The following CFAP300 variants were observed in gnomAD, a reference collection of about 807,000 sequenced individuals.
CFAP300 encodes the protein cilia and flagella associated protein 300, also known as cilia- and flagella-associated protein 300.
In CFAP300, 32 loss-of-function variants were observed where a neutral mutation model predicts 33.0. The observed-to-expected ratio is 0.97, with a 90% CI of 0.73 to 1.30. The LOEUF is 1.30. CFAP300 is among the 50% of genes most tolerant of loss of function. The probability of loss-of-function intolerance (pLI) is 0.00; values close to 1 mark genes in which losing one functional copy is unlikely to be tolerated. For missense variants in CFAP300, 356 were observed against 318.1 expected, an observed-to-expected ratio of 1.12 and a Z score of -0.90; for synonymous variants, 102 against 106.8, an observed-to-expected ratio of 0.95 and a Z score of 0.28.
At chr11:102,068,435 G>A (rs1354327135) in intron 4 of CFAP300, among the ~76,000 whole-genome samples, 1 of 152,178 alleles carries the variant, frequency 6.6e-6, no homozygotes, top group East Asian at 1.9e-4. Context: ...ACAATTGAAT[G>A]AGACTACATA....
intron 3 of CFAP300, among the ~76,000 whole-genome samples, chr11:102,060,362 C>T (rs1306533520): frequency 6.6e-6 from 1 of 151,828 alleles, no homozygotes; most frequent in Non-Finnish European, 1.5e-5. Flanking sequence ...AGTGATCCAC[C>T]TGCCTTGGCC....
Position 102,081,230 on chromosome 11 carries a change from T to A in CFAP300, c.624T>A (p.Pro208=), listed in dbSNP as rs1287368248. Residue 208 remains proline (P), a synonymous_variant, in exon 6 of 7, where the codon CCT becomes CCA. Transcript: ENST00000434758. ...CTTTTTTTAGTGTTCGAAAGAATCC[T>A]CAAACCAAGAAAATACAGATTACCT... The part of the protein sequence containing the change: ...YKDLVSVRKN[P]QTKKIQITSS... The A allele has an allele frequency of 6.2e-7, 1 of 1,610,126 alleles. No homozygotes were observed.
intron 3 of CFAP300, among the ~76,000 whole-genome samples, chr11:102,061,124 A>T (rs776977720): frequency 1.5e-4 from 23 of 152,310 alleles, no homozygotes; most frequent in Non-Finnish European, 3.2e-4. Context: ...AAATCATTGC[A>T]AAAAGAGGTT....
chr11:102,053,670 A>G (rs1311827631), intron 2 of CFAP300, among the ~76,000 whole-genome samples: 2 of 152,254 alleles, frequency 1.3e-5, no homozygotes, highest in African/African-American at 4.8e-5. Context: ...ACTTGAAGCC[A>G]GGAGTCTGAG....
In CFAP300 at chr11:102,084,142, A is replaced by C. The variant is rs954315025; in HGVS notation, c.*943A>C. 1 of 152,264 alleles carries C rather than the reference A, an allele frequency of 6.6e-6. No individual in the cohort carries two copies. Among genetic ancestry groups the C allele is most frequent in the Non-Finnish European group, 1.5e-5 (1 of 68,050 alleles). 9.4% of individuals were successfully genotyped at this position (152,264 alleles called of 1,614,324 possible). A position where few individuals can be genotyped will look rare whatever the true frequency, so the allele number is the denominator to read the frequency against. ...AGAAAGTTGCCTGATGGCATTAGTAAGTCGTTCAAAGAGTGAGAAGCAGGT... is the reference window on the plus strand; with the variant it reads ...AGAAAGTTGCCTGATGGCATTAGTACGTCGTTCAAAGAGTGAGAAGCAGGT... On this transcript the variant is annotated 3_prime_UTR_variant, in exon 7 of 7. Transcript: ENST00000434758.
At chr11:102,077,438 T>C (rs1942412625) in intron 5 of CFAP300, among the ~76,000 whole-genome samples, 1 of 152,244 alleles carries the variant, frequency 6.6e-6, no homozygotes, top group Non-Finnish European at 1.5e-5. Context: ...TTTGTACATG[T>C]TGGGAGCACA....
At chr11:102,076,582 TTTCTTTTA>T (rs1182878787) in intron 5 of CFAP300, among the ~76,000 whole-genome samples, 6 of 152,242 alleles carry the variant, frequency 3.9e-5, no homozygotes, top group Non-Finnish European at 8.8e-5. Flanking sequence ...TATTTGTACC[TTTCTTTTA>T]ACTGAAATGA....
chr11:102,057,705 A>G (rs1942080928), intron 2 of CFAP300: 1 of 152,224 alleles, frequency 6.6e-6, no homozygotes, highest in Non-Finnish European at 1.5e-5. Flanking sequence ...CAGACTCATC[A>G]GTGCAAGACT....
intron 3 of CFAP300, among the ~76,000 whole-genome samples, chr11:102,064,041 G>A (rs749503540): frequency 6.6e-6 from 1 of 152,030 alleles, no homozygotes; most frequent in Non-Finnish European, 1.5e-5. Context: ...CTACCATCAC[G>A]TTGAGGGTTA....
At chr11:102,082,319 T>C (rs946495222) in intron 6 of CFAP300, among the ~76,000 whole-genome samples, 1 of 151,570 alleles carries the variant, frequency 6.6e-6, no homozygotes, top group African/African-American at 2.4e-5. Context: ...AAAGTTGCAG[T>C]GAGCTGTGGT....
chr11:102,079,926 A>G (rs1942450234), intron 5 of CFAP300, among the ~76,000 whole-genome samples: 1 of 152,134 alleles, frequency 6.6e-6, no homozygotes, highest in Non-Finnish European at 1.5e-5. Flanking sequence ...TGTCCATAAA[A>G]TTGACAAAAT....
intron 6 of CFAP300, 126 bp from the exon 7 acceptor site, chr11:102,082,945 C>T (rs572691394): frequency 1.3e-5 from 4 of 308,200 alleles, no homozygotes; most frequent in South Asian, 2.5e-4. Flanking sequence ...TGCAGTGAGC[C>T]GAGATCGCGC....
intron 5 of CFAP300, among the ~76,000 whole-genome samples, chr11:102,077,225 A>T (rs1942408473): frequency 6.6e-6 from 1 of 152,182 alleles, no homozygotes; most frequent in Non-Finnish European, 1.5e-5. Context: ...TGTGTTGGAG[A>T]TATTTGAAGT....
chr11:102,077,852 GGCGTGA>G (rs2135049387), intron 5 of CFAP300, among the ~76,000 whole-genome samples: 2 of 152,240 alleles, frequency 1.3e-5, no homozygotes, highest in African/African-American at 4.8e-5. Context: ...TGGGATCACA[GGCGTGA>G]GCCACTGCAC....
At chr11:102,060,224 T>C (rs2135025663) in intron 3 of CFAP300, among the ~76,000 whole-genome samples, 1 of 151,946 alleles carries the variant, frequency 6.6e-6, no homozygotes, top group South Asian at 2.1e-4. Flanking sequence ...CTGCCAACCT[T>C]GGCCTCCCAA....
intron 2 of CFAP300, among the ~76,000 whole-genome samples, chr11:102,051,443 T>A (rs1217495822): frequency 6.6e-6 from 1 of 152,096 alleles, no homozygotes; most frequent in Non-Finnish European, 1.5e-5. Context: ...TGACCAGAAT[T>A]TAGGCCTCCC....
chr11:102,078,093 A>G (rs1035439284), intron 5 of CFAP300, among the ~76,000 whole-genome samples: 3 of 151,924 alleles, frequency 2.0e-5, no homozygotes, highest in African/African-American at 7.3e-5. Context: ...GGGTTTCACC[A>G]TATTACCCAG....
chr11:102,047,776 C>T, intron 1 of CFAP300, 39 bp from the exon 2 acceptor site: 2 of 1,604,692 alleles, frequency 1.2e-6, no homozygotes, highest in Non-Finnish European at 1.7e-6. Flanking sequence ...TGAGAGGGTG[C>T]CAGCCCCCAG....
At chr11:102,065,862 A>G (rs1006621654) in intron 3 of CFAP300, among the ~76,000 whole-genome samples, 3 of 152,240 alleles carry the variant, frequency 2.0e-5, no homozygotes, top group Non-Finnish European at 4.4e-5. Flanking sequence ...AATTCTGATA[A>G]TATATGCATT....
Sources: allele counts gnomAD v4.1 joint callset (sites outside exome capture counted in the v4.1 genomes callset), GRCh38; gene constraint gnomAD v4.1.1; transcripts MANE v1.5; gene names NCBI Gene and HGNC (gene_info 2026-07-23, HGNC 2026-07-21).